Variants in USP44 observed in about 807,000 individuals in gnomAD.
USP44 encodes ubiquitin carboxyl-terminal hydrolase 44.
In USP44, 61 loss-of-function variants were observed where a neutral mutation model predicts 69.0. The ratio of observed to expected loss-of-function variants is 0.88; its 90% CI spans 0.72 to 1.09. USP44 has a LOEUF of 1.09. Among genes scored for constraint, USP44 ranks in the 50% least tolerant of loss-of-function variants. The probability of loss-of-function intolerance (pLI) is 0.00; values close to 1 mark genes in which losing one functional copy is unlikely to be tolerated. For synonymous variants in USP44, 297 were observed against 295.4 expected (o/e 1.01, Z -0.06); for missense variants, 753 against 849.9 (o/e 0.89, Z 1.42).
chr12:95,521,258 CTAGGTCTAGACACTTG>C (rs2076653603), intron 4 of USP44, 56 bp from the exon 5 acceptor site: 12 of 1,538,630 alleles, frequency 7.8e-6, no homozygotes, highest in Non-Finnish European at 1.1e-5. Context: ...TAACCACGTA[CTAGGTCTAGACACTTG>C]TAACAGATGA....
rs1201926926 is a variant in USP44 at position 95,528,789 on chromosome 12, CACA to C, written c.1624+15_1624+17del. On this transcript the variant is annotated intron_variant, in intron 3 of 5. Transcript: ENST00000258499. ...ATCATTCCTAGGAAAGCACCAAGAA[CACA>C]ACGTCTTTACTCACAGTTACACTGG... 1.2e-6 allele frequency: 2 copies of C among 1,603,422 alleles called. No individual in the cohort carries two copies. The highest frequency in any genetic ancestry group is 1.7e-6 in the Non-Finnish European group (2 of 1,175,364).
intron 1 of USP44, chr12:95,546,799 T>C (rs2077585205): frequency 6.6e-6 from 1 of 152,188 alleles, no homozygotes; most frequent in East Asian, 1.9e-4. Context: ...CACGGGGGTT[T>C]TTCCTCCACG....
At chr12:95,547,537 G>A (rs1213384500) in intron 1 of USP44, among the ~76,000 whole-genome samples, 1 of 152,180 alleles carries the variant, frequency 6.6e-6, no homozygotes, top group African/African-American at 2.4e-5. Context: ...CTAAGCATGT[G>A]CTTAACTTCT....
intron 2 of USP44, 108 bp downstream of exon 2, chr12:95,532,721 T>G (rs2077059965): frequency 2.2e-6 from 2 of 905,180 alleles, no homozygotes; most frequent in South Asian, 4.4e-5. Context: ...TATTTTGACC[T>G]GAAAATGGTA....
intron 1 of USP44, among the ~76,000 whole-genome samples, chr12:95,542,615 A>G (rs1179576161): frequency 6.6e-6 from 1 of 152,052 alleles, no homozygotes; most frequent in African/African-American, 2.4e-5. Flanking sequence ...TACAAAAATT[A>G]GCCGGTTGTG....
At chr12:95,519,582 A>G (rs1378503001) in intron 5 of USP44, among the ~76,000 whole-genome samples, 1 of 150,774 alleles carries the variant, frequency 6.6e-6, no homozygotes, top group Non-Finnish European at 1.5e-5. Context: ...CTGGGACTAC[A>G]GGCACCCGCC....
intron 4 of USP44, chr12:95,522,057 C>G (rs762442891): frequency 3.6e-5 from 35 of 985,276 alleles, no homozygotes; most frequent in Non-Finnish European, 4.1e-5. Flanking sequence ...GGTCATACTT[C>G]CCATTACTGG....
intron 5 of USP44, among the ~76,000 whole-genome samples, 157 bp from the exon 6 acceptor site, chr12:95,518,510 T>G (rs942925690): frequency 6.6e-6 from 1 of 152,266 alleles, no homozygotes; most frequent in Non-Finnish European, 1.5e-5. Context: ...TACCCTGGAA[T>G]TATCTACCTT....
chr12:95,534,377 A>AT (rs896887670), intron 1 of USP44, 51 bp from the exon 2 acceptor site: 1 of 972,186 alleles, frequency 1.0e-6, no homozygotes, highest in Non-Finnish European at 1.5e-6. Flanking sequence ...TATTTTTCAT[A>AT]TTTTTTCCCA....
intron 1 of USP44, among the ~76,000 whole-genome samples, chr12:95,545,221 A>G (rs1016085314): frequency 1.4e-4 from 22 of 152,296 alleles, no homozygotes; most frequent in Non-Finnish European, 2.9e-4. Flanking sequence ...AAGAAGAAAT[A>G]TAAGTACCAC....
At chr12:95,543,543 GATCTC>G (rs764920836) in intron 1 of USP44, among the ~76,000 whole-genome samples, 1 of 151,774 alleles carries the variant, frequency 6.6e-6, no homozygotes, top group Non-Finnish European at 1.5e-5. Flanking sequence ...AATATTGTGA[GATCTC>G]ATCTCTAGTC....
At position 95,533,851 on chromosome 12, in the gene USP44, C is replaced by T; in HGVS notation, c.406G>A (p.Ala136Thr). The change falls in exon 2 of 6, where the codon GCC (alanine) becomes ACC (threonine). Residue 136 changes from alanine to threonine, a missense_variant. Transcript: ENST00000258499. Reference protein sequence around the residue: ...GDDSYFLHDGAQSLLQSEDQL... With the variant: ...GDDSYFLHDGTQSLLQSEDQL... ...TCTTCACTTTGAAGCAGAGATTGGG[C>T]ACCGTCATGTAAGAAATAAGAATCA... is the stretch of plus-strand genomic sequence containing the variant. 3.7e-6 allele frequency: 6 copies of T among 1,614,104 alleles called. No homozygotes were observed. The highest frequency in any genetic ancestry group is 5.1e-6 in the Non-Finnish European group (6 of 1,180,030).
At chr12:95,524,966 C>T (rs1337957761) in intron 3 of USP44, among the ~76,000 whole-genome samples, 178 bp from the exon 4 acceptor site, 2 of 152,186 alleles carry the variant, frequency 1.3e-5, no homozygotes, top group African/African-American at 2.4e-5. Context: ...CCACAATTAA[C>T]CAAAAAACTT....
chr12:95,549,403 C>T (rs551459961), intron 1 of USP44, among the ~76,000 whole-genome samples: 23 of 152,134 alleles, frequency 1.5e-4, no homozygotes, highest in Non-Finnish European at 2.6e-4. Flanking sequence ...CCCGAAATTG[C>T]CCATTTAAAT....
At chr12:95,523,101 C>T (rs1009013136) in intron 4 of USP44, among the ~76,000 whole-genome samples, 48 of 152,138 alleles carry the variant, frequency 3.2e-4, no homozygotes, top group Non-Finnish European at 6.8e-4. Flanking sequence ...CCTATATGCC[C>T]CTTCCCACAA....
chr12:95,527,816 T>C (rs2076894708), intron 3 of USP44, among the ~76,000 whole-genome samples: 1 of 149,124 alleles, frequency 6.7e-6, no homozygotes, highest in Admixed American at 6.8e-5. Flanking sequence ...TTTTATACAC[T>C]GTTTCCTTGG....
At chr12:95,519,430 G>GTTTTTT (rs1565798412) in intron 5 of USP44, among the ~76,000 whole-genome samples, 1 of 112,482 alleles carries the variant, frequency 8.9e-6, no homozygotes, top group African/African-American at 3.3e-5. Flanking sequence ...TACTCAATCT[G>GTTTTTT]TATTTTTTTT....
chr12:95,534,141 CA>C lies in USP44; in HGVS notation c.115del (p.Trp39GlyfsTer34), dbSNP rs758415515. The C allele has an allele frequency of 1.9e-5, 31 of 1,614,090 alleles. No homozygotes were observed. The African/African-American group carries it at 4.0e-4, about 21-fold the overall frequency. On this transcript the variant is annotated frameshift_variant, in exon 2 of 6. Transcript: ENST00000258499. LOFTEE classifies it high-confidence loss of function. Reference protein sequence around the residue: ...CVDCNTTESIWACLSCSHVAC... With the variant: ...CVDCNTTESIXACLSCSHVAC... ...AACATGGGAGCAGCTAAGGCAAGCC[CA>C]AATGGACTCGGTCGTGTTGCAGTCC...
intron 1 of USP44, among the ~76,000 whole-genome samples, chr12:95,542,782 C>A (rs2077432035): frequency 6.8e-6 from 1 of 147,806 alleles, no homozygotes; most frequent in Non-Finnish European, 1.5e-5. Context: ...AAAAAAACAA[C>A]CAGAGGTTGA....
Sources: gnomAD v4.1 joint callset for allele counts (sites outside exome capture counted in the v4.1 genomes callset) on GRCh38, gnomAD v4.1.1 for gene constraint, MANE v1.5 for transcripts, NCBI Gene and HGNC (gene_info 2026-07-23, HGNC 2026-07-21) for gene names.